Variants in QKI observed in about 807,000 individuals in gnomAD.
QKI encodes the protein QKI, KH domain containing RNA binding.
A neutral mutation model predicts 39.0 loss-of-function variants in QKI; 10 were observed. The observed-to-expected ratio is 0.26, with a 90% CI of 0.16 to 0.43. QKI has a LOEUF of 0.43. QKI is among the 20% of genes least tolerant of loss of function. QKI has a pLI of 1.00. For missense variants in QKI, 218 were observed against 428.0 expected (o/e 0.51, Z 4.33); for synonymous variants, 204 against 155.4 (o/e 1.31, Z -2.33).
At chr6:163,502,765 C>T (rs1364939616) in intron 3 of QKI, among the ~76,000 whole-genome samples, 1 of 152,074 alleles carries the variant, frequency 6.6e-6, no homozygotes, top group Non-Finnish European at 1.5e-5. Context: ...TGATGGTCAC[C>T]TTGGTGGTTC....
At chr6:163,479,616 C>A (rs4708995) in intron 3 of QKI, among the ~76,000 whole-genome samples, 64,015 of 152,126 alleles carry the variant, frequency 0.42, 16,720 homozygotes, top group East Asian at 0.71. Context: ...GTGATCCACC[C>A]ACCTCAGCCT....
chr6:163,452,635 G>A lies in QKI; in HGVS notation c.143-2644G>A, dbSNP rs1426701267. Among the ~76,000 whole-genome samples, 6 of 152,242 alleles carry A rather than the reference G, an allele frequency of 3.9e-5. No individual in the cohort carries two copies. In the East Asian group the frequency reaches 1.2e-3, roughly 29 times the overall value. On this transcript the variant is annotated intron_variant, in intron 1 of 7. Coordinates refer to ENST00000361752, the MANE Select transcript of QKI (RefSeq NM_006775.3). The stretch of plus-strand genomic sequence containing the variant: ...TGTTATTAATCAAGGAATCACATAG[G>A]TATTTATAAAAATACAACTTAAGTG...
At chr6:163,565,324 ACT>A in intron 6 of QKI, 1 of 986,262 alleles carries the variant, frequency 1.0e-6, no homozygotes, top group Non-Finnish European at 1.2e-6. Context: ...AGGAGTTATG[ACT>A]CTTGACTTCC....
At chr6:163,442,721 C>CT (rs1268951071) in intron 1 of QKI, among the ~76,000 whole-genome samples, 2 of 152,048 alleles carry the variant, frequency 1.3e-5, no homozygotes, top group Admixed American at 6.5e-5. Flanking sequence ...TTGGGGAAGG[C>CT]TTAGGAGTTT....
In QKI at chr6:163,570,210, C is replaced by G. The variant is rs906106510; in HGVS notation, c.1010-484C>G. 12 of 983,222 alleles carry G rather than the reference C, an allele frequency of 1.2e-5. No homozygotes were observed. In the Admixed American group the frequency reaches 1.8e-4, roughly 15 times the overall value. 60.9% of individuals were successfully genotyped at this position (983,222 alleles called of 1,614,324 possible). A position where few individuals can be genotyped will look rare whatever the true frequency, so the allele number is the denominator to read the frequency against. ...ATAGAATTTTGAATTTCTTTAGATT[C>G]ATTTCTGTTAATCATCAGTTATTAA... On this transcript the variant is annotated intron_variant, in intron 7 of 7. Transcript: ENST00000361752.
intron 3 of QKI, among the ~76,000 whole-genome samples, chr6:163,526,173 G>A (rs946899177): frequency 1.3e-5 from 2 of 152,136 alleles, no homozygotes; most frequent in Non-Finnish European, 2.9e-5. Flanking sequence ...CATCCTGTCT[G>A]GTAGGACCTG....
chr6:163,493,875 T>TA (rs1778225882), intron 3 of QKI, among the ~76,000 whole-genome samples: 1 of 105,812 alleles, frequency 9.5e-6, no homozygotes, highest in Non-Finnish European at 2.0e-5. Flanking sequence ...ACAACAAACA[T>TA]ACTTCTGGTT....
At chr6:163,459,196 G>T (rs913395315) in intron 2 of QKI, among the ~76,000 whole-genome samples, 6 of 152,168 alleles carry the variant, frequency 3.9e-5, no homozygotes, top group African/African-American at 1.4e-4. Context: ...TGCTCTTATG[G>T]CAGGCCACTG....
chr6:163,522,271 T>C (rs1780209644), intron 3 of QKI, among the ~76,000 whole-genome samples: 1 of 152,200 alleles, frequency 6.6e-6, no homozygotes, highest in Admixed American at 6.5e-5. Context: ...TGTAGGCTCC[T>C]TGAGAGCTTG....
intron 1 of QKI, among the ~76,000 whole-genome samples, chr6:163,453,419 G>A (rs1194950072): frequency 6.6e-6 from 1 of 152,092 alleles, no homozygotes; most frequent in African/African-American, 2.4e-5. Context: ...ATAATTATAT[G>A]GAAAGTGCTT....
intron 4 of QKI, among the ~76,000 whole-genome samples, chr6:163,560,539 G>A (rs916408973): frequency 3.3e-5 from 5 of 152,118 alleles, no homozygotes; most frequent in Admixed American, 3.3e-4. Flanking sequence ...CAGAGAGTGC[G>A]CAGGGGAGCA....
At chr6:163,438,890 T>A (rs1789514384) in intron 1 of QKI, among the ~76,000 whole-genome samples, 2 of 152,188 alleles carry the variant, frequency 1.3e-5, no homozygotes, top group Admixed American at 1.3e-4. Context: ...CTTCTAAATT[T>A]TTTAAACCTT....
intron 3 of QKI, among the ~76,000 whole-genome samples, chr6:163,500,700 T>A (rs57845473): frequency 6.6e-6 from 1 of 152,124 alleles, no homozygotes. Context: ...AATAAACAAC[T>A]GAATAAGACT....
intron 4 of QKI, among the ~76,000 whole-genome samples, chr6:163,560,952 A>C (rs778388852): frequency 6.6e-6 from 1 of 152,180 alleles, no homozygotes; most frequent in African/African-American, 2.4e-5. Context: ...ATTAGAGACT[A>C]TCCTGATTTA....
chr6:163,570,661 T>C, intron 7 of QKI, 33 bp from the exon 8 acceptor site: 1 of 1,605,222 alleles, frequency 6.2e-7, no homozygotes, highest in Non-Finnish European at 8.5e-7. Context: ...TTTCTTTTTT[T>C]TGTTTTGTTT....
chr6:163,535,777 A>G (rs1262986393), intron 4 of QKI, among the ~76,000 whole-genome samples: 1 of 152,020 alleles, frequency 6.6e-6, no homozygotes, highest in East Asian at 1.9e-4. Context: ...CTAAAAATAC[A>G]AAAAATAAGT....
chr6:163,552,788 A>G (rs1782327230), intron 4 of QKI, among the ~76,000 whole-genome samples: 1 of 152,108 alleles, frequency 6.6e-6, no homozygotes, highest in Non-Finnish European at 1.5e-5. Context: ...GCAAACTCCC[A>G]TCATAATCCC....
chr6:163,492,971 G>T (rs117182394), intron 3 of QKI, among the ~76,000 whole-genome samples: 2,027 of 152,044 alleles, frequency 0.013, 27 homozygotes, highest in Middle Eastern at 0.044. Flanking sequence ...AGCCTTTCAC[G>T]TTTAGTGTAG....
chr6:163,527,110 G>T (rs1019586006), intron 3 of QKI, among the ~76,000 whole-genome samples: 1 of 152,038 alleles, frequency 6.6e-6, no homozygotes, highest in Non-Finnish European at 1.5e-5. Context: ...TGATTTCAAC[G>T]GACTGAATAT....
Sources: gnomAD v4.1 joint callset for allele counts (sites outside exome capture counted in the v4.1 genomes callset) on GRCh38, gnomAD v4.1.1 for gene constraint, MANE v1.5 for transcripts, NCBI Gene and HGNC (gene_info 2026-07-23, HGNC 2026-07-21) for gene names.